Variants in CACNB2 observed in about 807,000 individuals in gnomAD.
CACNB2 encodes voltage-dependent L-type calcium channel subunit beta-2.
A neutral mutation model predicts 73.3 loss-of-function variants in CACNB2; 42 were observed. The ratio of observed to expected loss-of-function variants is 0.57; its 90% confidence interval spans 0.45 to 0.74. CACNB2 has a LOEUF of 0.74. Ranked by LOEUF, CACNB2 falls within the 30% of genes least tolerant of loss-of-function variation. CACNB2 has a pLI of 0.00. For synonymous variants in CACNB2, 348 were observed against 310.3 expected (o/e 1.12, Z -1.28); for missense variants, 940 against 853.0 (o/e 1.10, Z -1.27).
At chr10:18,221,892 T>C (rs1237418506) in intron 2 of CACNB2, among the ~76,000 whole-genome samples, 1 of 152,204 alleles carries the variant, frequency 6.6e-6, no homozygotes, top group Non-Finnish European at 1.5e-5. Context: ...GTGTTTCCTT[T>C]TGGAAAGTAG....
chr10:18,183,336 A>T (rs111238417), intron 2 of CACNB2, among the ~76,000 whole-genome samples: 11 of 151,366 alleles, frequency 7.3e-5, no homozygotes, highest in African/African-American at 1.7e-4. Context: ...CTTTTTTATT[A>T]TTTTTTTTCA....
chr10:18,427,849 T>G (rs1046173004), intron 3 of CACNB2, among the ~76,000 whole-genome samples: 2 of 152,148 alleles, frequency 1.3e-5, no homozygotes, highest in African/African-American at 2.4e-5. Flanking sequence ...TAAATCTCAC[T>G]ATATATTTTT....
chr10:18,519,186 A>C (rs1275127511), intron 9 of CACNB2, among the ~76,000 whole-genome samples: 3 of 152,202 alleles, frequency 2.0e-5, no homozygotes, highest in Admixed American at 6.5e-5. Flanking sequence ...CTACATCCAT[A>C]AGCTGACCTT....
chr10:18,216,210 T>A (rs1042252282), intron 2 of CACNB2, among the ~76,000 whole-genome samples: 2 of 152,006 alleles, frequency 1.3e-5, no homozygotes, highest in South Asian at 4.1e-4. Context: ...GGCAGGAGAA[T>A]TGCTTGAACC....
chr10:18,141,037 G>C lies in CACNB2; in HGVS notation c.120+181G>C, dbSNP rs114546413. 2.6e-3 allele frequency: 4,046 copies of C among 1,543,294 alleles called. 91 individuals are homozygous for C. In the African/African-American group the frequency reaches 0.045, roughly 17 times the overall value. Reference sequence around the variant, plus strand: ...CCCTGCCCCTTTGCGCCTTTTCCTGGCTCTGCCTCGGCTTCCATTTTTCTC... The same window carrying C: ...CCCTGCCCCTTTGCGCCTTTTCCTGCCTCTGCCTCGGCTTCCATTTTTCTC... On this transcript the variant is annotated intron_variant, in intron 1 of 13. Transcript: ENST00000324631.
chr10:18,417,942 A>G (rs1314829411), intron 3 of CACNB2, among the ~76,000 whole-genome samples: 1 of 152,234 alleles, frequency 6.6e-6, no homozygotes, highest in African/African-American at 2.4e-5. Context: ...AAAGGAACAA[A>G]CTAAAAATTA....
chr10:18,470,700 T>A (rs7076247), intron 3 of CACNB2, among the ~76,000 whole-genome samples: 1 of 151,830 alleles, frequency 6.6e-6, no homozygotes, highest in Admixed American at 6.6e-5. Context: ...CCCTTTAAAT[T>A]GATTTTTCAC....
intron 2 of CACNB2, among the ~76,000 whole-genome samples, chr10:18,262,360 A>G (rs1293566174): frequency 6.6e-6 from 1 of 152,182 alleles, no homozygotes; most frequent in Non-Finnish European, 1.5e-5. Flanking sequence ...GTCAAACCTT[A>G]AAGAGAGTAT....
intron 7 of CACNB2, chr10:18,515,176 A>G: frequency 1.4e-6 from 1 of 730,632 alleles, no homozygotes; most frequent in Non-Finnish European, 2.5e-6. Flanking sequence ...TGGCCATCCA[A>G]GATGCTACAC....
At chr10:18,211,978 A>G (rs1211749856) in intron 2 of CACNB2, among the ~76,000 whole-genome samples, 8 of 152,096 alleles carry the variant, frequency 5.3e-5, no homozygotes, top group Non-Finnish European at 8.8e-5. Flanking sequence ...TCTTTTCTGA[A>G]TTATGACATA....
Position 18,362,638 on chromosome 10 carries a change from G to T in CACNB2, c.214-39286G>T, listed in dbSNP as rs571133540. The stretch of plus-strand genomic sequence containing the variant: ...GTGTTAAAAGTCCATAACAAATATT[G>T]CCATAGAAAATGCATGTAGAGGCTG... On this transcript the variant is annotated intron_variant, in intron 2 of 13. Transcript: ENST00000324631. Among the ~76,000 whole-genome samples, 58 of 152,180 alleles carry T rather than the reference G, an allele frequency of 3.8e-4. 2 individuals carry two copies. The highest frequency in any genetic ancestry group is 6.6e-5 in the Admixed American group (1 of 15,260).
Position 18,261,133 on chromosome 10 carries a change from G to T in CACNB2, c.213+110158G>T. 3 of 1,524,746 alleles carry T rather than the reference G, an allele frequency of 2.0e-6. No individual in the cohort carries two copies. The South Asian group carries it at 3.6e-5, about 18-fold the overall frequency. The allele number at this position is 1,524,746 out of a possible 1,614,324, so 94.5% of individuals were successfully genotyped here. The stretch of plus-strand genomic sequence containing the variant: ...GGCTTTTTTAGAAACTACCTAGGAG[G>T]CAGAAGCTAAGTGATTTGCTCATGC... On this transcript the variant is annotated intron_variant, in intron 2 of 13. Transcript: ENST00000324631.
intron 2 of CACNB2, among the ~76,000 whole-genome samples, chr10:18,287,509 G>A (rs1255177439): frequency 6.6e-6 from 1 of 151,930 alleles, no homozygotes; most frequent in Non-Finnish European, 1.5e-5. Context: ...AAAATGGTGT[G>A]GTTTAATACA....
At chr10:18,373,183 C>T (rs923760714) in intron 2 of CACNB2, among the ~76,000 whole-genome samples, 4 of 152,156 alleles carry the variant, frequency 2.6e-5, no homozygotes, top group African/African-American at 7.2e-5. Flanking sequence ...AAAGAAGCCT[C>T]TTTTTGAGGG....
intron 2 of CACNB2, among the ~76,000 whole-genome samples, chr10:18,195,513 C>G (rs1218550609): frequency 6.6e-6 from 1 of 152,206 alleles, no homozygotes; most frequent in Non-Finnish European, 1.5e-5. Context: ...GATTGTGTCT[C>G]AGCTTTTGGT....
intron 2 of CACNB2, among the ~76,000 whole-genome samples, chr10:18,162,821 G>A (rs1346825442): frequency 6.6e-6 from 1 of 152,172 alleles, no homozygotes; most frequent in African/African-American, 2.4e-5. Flanking sequence ...TGAGCCGAGA[G>A]GAAGTGATGT....
chr10:18,164,987 G>A (rs2131114083), intron 2 of CACNB2, among the ~76,000 whole-genome samples: 1 of 152,114 alleles, frequency 6.6e-6, no homozygotes, highest in Non-Finnish European at 1.5e-5. Flanking sequence ...GCCAGGCAGT[G>A]GGCCAAATGT....
chr10:18,213,856 A>G (rs1180318509), intron 2 of CACNB2, among the ~76,000 whole-genome samples: 2 of 152,222 alleles, frequency 1.3e-5, no homozygotes, highest in Non-Finnish European at 2.9e-5. Context: ...CACATAACTG[A>G]ATTTTTAATG....
rs543960550 is a variant in CACNB2 at position 18,510,723 on chromosome 10, C to A, written c.671-3513C>A. ...CCAAGGGTCCTGTAAATTCTGACAT[C>A]CAACTGGTTATCTTCATTTTAGGAG... is the stretch of plus-strand genomic sequence containing the variant. On this transcript the variant is annotated intron_variant, in intron 6 of 13. Transcript: ENST00000324631. Among the ~76,000 whole-genome samples, 19 of 152,300 alleles carry A rather than the reference C, an allele frequency of 1.2e-4. No homozygotes were observed. The South Asian group carries it at 3.9e-3, about 32-fold the overall frequency.
Sources: allele counts gnomAD v4.1 joint callset (sites outside exome capture counted in the v4.1 genomes callset), GRCh38; gene constraint gnomAD v4.1.1; transcripts MANE v1.5; gene names NCBI Gene and HGNC (gene_info 2026-07-23, HGNC 2026-07-21).